Variants in IMPG1 observed in about 807,000 individuals in gnomAD.
IMPG1 encodes the protein interphotoreceptor matrix proteoglycan of 150 kDa.
A neutral mutation model predicts 92.0 loss-of-function variants in IMPG1; 85 were observed. The ratio of observed to expected loss-of-function variants is 0.92; its 90% confidence interval spans 0.78 to 1.11. The LOEUF (loss-of-function observed/expected upper bound fraction) is 1.11. Among genes scored for constraint, IMPG1 ranks in the 50% least tolerant of loss-of-function variants. The probability of loss-of-function intolerance (pLI) is 0.00; values close to 1 mark genes in which losing one functional copy is unlikely to be tolerated. For synonymous variants in IMPG1, 367 were observed against 334.1 expected (o/e 1.10, Z -1.08); for missense variants, 1,022 against 956.0 (o/e 1.07, Z -0.91).
chr6:75,977,190 C>A (rs1054733767), intron 12 of IMPG1, among the ~76,000 whole-genome samples: 1 of 152,104 alleles, frequency 6.6e-6, no homozygotes, highest in Non-Finnish European at 1.5e-5. Context: ...AAAGCATGAT[C>A]GAAAGATCCA....
intron 12 of IMPG1, among the ~76,000 whole-genome samples, chr6:75,970,895 T>A (rs1782401950): frequency 6.6e-6 from 1 of 152,198 alleles, no homozygotes; most frequent in South Asian, 2.1e-4. Flanking sequence ...TCAACCATTG[T>A]GGAAGTCAGT....
chr6:75,972,364 A>G (rs1182063863), intron 12 of IMPG1, among the ~76,000 whole-genome samples: 1 of 152,202 alleles, frequency 6.6e-6, no homozygotes, highest in Non-Finnish European at 1.5e-5. Context: ...TTTATCAGAA[A>G]ATAGCTACCA....
In IMPG1 at chr6:76,005,374, G is replaced by A; in HGVS notation, c.1048C>T (p.Leu350Phe). ...MEEDKQPEIY[L>F]TATDLKRLIS... ...AGCCTTTTGAGGTCTGTAGCTGTGA[G>A]ATAGATTTCTGGTTGCTTGTCCTCC... The change falls in exon 10 of 17, where the codon CTC (leucine) becomes TTC (phenylalanine). Residue 350 changes from leucine (L) to phenylalanine (F), a missense_variant. By Grantham distance (22) the Leu-to-Phe change is conservative. Around this residue, in one of 3 missense-constraint regions of IMPG1, gnomAD observed 681 missense variants for 583.6 expected, o/e 1.17. Transcript: ENST00000369950. 6.2e-7 allele frequency: 1 copy of A among 1,613,998 alleles called. No individual in the cohort carries two copies. Among genetic ancestry groups the A allele is most frequent in the Non-Finnish European group, 8.5e-7 (1 of 1,179,900 alleles).
intron 1 of IMPG1, among the ~76,000 whole-genome samples, chr6:76,063,793 C>T (rs1293547888): frequency 6.6e-6 from 1 of 152,208 alleles, no homozygotes; most frequent in Non-Finnish European, 1.5e-5. Context: ...CAGTATTCCT[C>T]TTGTTCCAGC....
At chr6:76,035,015 T>TGC (rs955361042) in intron 2 of IMPG1, among the ~76,000 whole-genome samples, 6 of 151,658 alleles carry the variant, frequency 4.0e-5, no homozygotes, top group African/African-American at 9.7e-5. Context: ...TGTGTGTGTG[T>TGC]GCGTGTGTGT....
intron 1 of IMPG1, among the ~76,000 whole-genome samples, chr6:76,055,950 T>C (rs1299761251): frequency 6.6e-6 from 1 of 152,102 alleles, no homozygotes; most frequent in Non-Finnish European, 1.5e-5. Flanking sequence ...TATCTGGCTT[T>C]AACAGTGGGT....
chr6:76,045,191 C>T (rs777869365), intron 1 of IMPG1, among the ~76,000 whole-genome samples: 2 of 152,192 alleles, frequency 1.3e-5, no homozygotes, highest in Non-Finnish European at 2.9e-5. Flanking sequence ...ATATCTCCTG[C>T]TGGAGAAGAC....
intron 13 of IMPG1, among the ~76,000 whole-genome samples, chr6:75,947,950 G>T (rs1781955915): frequency 6.6e-6 from 1 of 151,924 alleles, no homozygotes; most frequent in Non-Finnish European, 1.5e-5. Context: ...CATCTATTTG[G>T]ATGCAGCCAA....
chr6:76,012,076 T>A (rs578210256), intron 7 of IMPG1, among the ~76,000 whole-genome samples: 1 of 152,318 alleles, frequency 6.6e-6, no homozygotes, highest in East Asian at 1.9e-4. Context: ...ACATTCAAAA[T>A]GGCTGCTGTA....
chr6:76,040,376 A>T (rs1456441977), intron 2 of IMPG1, among the ~76,000 whole-genome samples: 1 of 152,264 alleles, frequency 6.6e-6, no homozygotes, highest in Admixed American at 6.5e-5. Flanking sequence ...AGTTGCATTC[A>T]TATTCAGTGT....
At chr6:75,940,850 C>T (rs1313312333) in intron 14 of IMPG1, among the ~76,000 whole-genome samples, 1 of 152,148 alleles carries the variant, frequency 6.6e-6, no homozygotes, top group Admixed American at 6.5e-5. Context: ...CTGCATTTTC[C>T]TCTTGCATCT....
rs1443129360 is a variant in IMPG1 at position 75,950,736 on chromosome 6, G to T, written c.1650C>A (p.Thr550=). 1.2e-6 allele frequency: 2 copies of T among 1,613,922 alleles called. No individual in the cohort carries two copies. Among genetic ancestry groups the T allele is most frequent in the Non-Finnish European group, 8.5e-7 (1 of 1,179,858 alleles). Reference sequence around the variant, plus strand: ...TATACTGTAAAGCTGAGACAGGAGTGGTATCCTCCAAGAAATGATCTGGGA... The same window carrying T: ...TATACTGTAAAGCTGAGACAGGAGTTGTATCCTCCAAGAAATGATCTGGGA... ...VSVPDHFLED[T]TPVSALQYIT... Residue 550 remains threonine, a synonymous_variant, in exon 13 of 17, where the codon ACC becomes ACA. Transcript: ENST00000369950.
chr6:76,022,944 C>T (rs1783458999), intron 5 of IMPG1, among the ~76,000 whole-genome samples: 1 of 152,132 alleles, frequency 6.6e-6, no homozygotes, highest in Non-Finnish European at 1.5e-5. Context: ...ACATAGAATG[C>T]CTTAGTTTAT....
chr6:76,000,886 G>A (rs1211601454), intron 12 of IMPG1, among the ~76,000 whole-genome samples: 1 of 152,220 alleles, frequency 6.6e-6, no homozygotes, highest in African/African-American at 2.4e-5. Flanking sequence ...GCTGTGGTTT[G>A]AGGGCAAAGC....
At chr6:76,026,667 C>A (rs932300594) in intron 4 of IMPG1, among the ~76,000 whole-genome samples, 4 of 152,244 alleles carry the variant, frequency 2.6e-5, no homozygotes, top group African/African-American at 9.6e-5. Context: ...GGTGGAGGAA[C>A]TTGCATAAGA....
intron 12 of IMPG1, among the ~76,000 whole-genome samples, chr6:75,980,560 G>A (rs887741513): frequency 6.6e-6 from 1 of 152,184 alleles, no homozygotes; most frequent in Non-Finnish European, 1.5e-5. Flanking sequence ...GCAGAAGAAG[G>A]TGGGAGAAGC....
intron 1 of IMPG1, among the ~76,000 whole-genome samples, chr6:76,055,551 A>T (rs199846007): frequency 1.4e-4 from 5 of 36,694 alleles, no homozygotes; most frequent in East Asian, 2.5e-3. Flanking sequence ...CAAAGATAAC[A>T]GAGAGTAATA....
At chr6:76,002,681 G>A (rs1413244826) in intron 12 of IMPG1, among the ~76,000 whole-genome samples, 1 of 152,196 alleles carries the variant, frequency 6.6e-6, no homozygotes, top group Non-Finnish European at 1.5e-5. Flanking sequence ...CATTAGAAAA[G>A]GGCTGCCGGT....
rs1305847538 is a variant in IMPG1, at chr6:75,939,766, G to A, written c.2044+7548C>T. Among the ~76,000 whole-genome samples, 5 of 152,210 alleles carry A rather than the reference G, an allele frequency of 3.3e-5. No homozygotes were observed. In the East Asian group the frequency reaches 9.7e-4, roughly 29 times the overall value. On this transcript the variant is annotated intron_variant, in intron 14 of 16. Transcript: ENST00000369950. The stretch of plus-strand genomic sequence containing the variant: ...GTCCTGGGCGCCATCCCTTTAAAAT[G>A]TAAACCTCAAGGAACTTAGCAACTT...
Sources: allele counts gnomAD v4.1 joint callset (sites outside exome capture counted in the v4.1 genomes callset), GRCh38; gene constraint gnomAD v4.1.1; regional missense constraint gnomAD v4.1.1; transcripts MANE v1.5; gene names NCBI Gene and HGNC (gene_info 2026-07-23, HGNC 2026-07-21).